The following PRLR variants were observed in gnomAD, a reference collection of about 807,000 sequenced individuals.
PRLR encodes hPRL receptor.
Under a neutral mutation model 40.2 loss-of-function variants are expected in PRLR, and 13 were observed. The observed-to-expected ratio is 0.32, with a 90% CI of 0.21 to 0.51. The LOEUF is 0.51. PRLR is among the 20% of genes least tolerant of loss of function. The pLI, the probability that PRLR is intolerant of heterozygous loss-of-function variation, is 0.97. For missense variants in PRLR, 656 were observed against 747.3 expected (o/e 0.88, Z 1.42); for synonymous variants, 269 against 278.7 (o/e 0.97, Z 0.35).
At chr5:35,066,761 CTT>C (rs70973025) in intron 9 of PRLR, among the ~76,000 whole-genome samples, 3,769 of 116,204 alleles carry the variant, frequency 0.032, 30 homozygotes, top group South Asian at 0.072. Flanking sequence ...ACTCTTGCCT[CTT>C]TTTTTTTTTT....
At chr5:35,087,994 T>G (rs1423808354) in intron 3 of PRLR, among the ~76,000 whole-genome samples, 1 of 152,210 alleles carries the variant, frequency 6.6e-6, no homozygotes, top group Non-Finnish European at 1.5e-5. Context: ...CTACCCCTCA[T>G]GCAGGCTCCA....
At chr5:35,091,804 A>G (rs1390218394) in intron 2 of PRLR, among the ~76,000 whole-genome samples, 1 of 152,210 alleles carries the variant, frequency 6.6e-6, no homozygotes, top group African/African-American at 2.4e-5. Flanking sequence ...TATAGCCCCA[A>G]ATAGTTCTTT....
intron 2 of PRLR, among the ~76,000 whole-genome samples, chr5:35,107,560 C>G (rs762121536): frequency 6.6e-6 from 1 of 152,116 alleles, no homozygotes; most frequent in African/African-American, 2.4e-5. Flanking sequence ...ACCAATCCCA[C>G]AGAAATACAA....
At chr5:35,196,694 G>T (rs1054378552) in intron 1 of PRLR, among the ~76,000 whole-genome samples, 3 of 152,236 alleles carry the variant, frequency 2.0e-5, no homozygotes, top group African/African-American at 7.2e-5. Flanking sequence ...CAGTGTGTTT[G>T]CAAACTGGGC....
At chr5:35,131,868 T>C (rs977262612) in intron 1 of PRLR, among the ~76,000 whole-genome samples, 4 of 152,166 alleles carry the variant, frequency 2.6e-5, no homozygotes, top group African/African-American at 9.7e-5. Flanking sequence ...TGCTATGATG[T>C]CTTGTTATTC....
chr5:35,121,687 C>G (rs777261135), intron 1 of PRLR, among the ~76,000 whole-genome samples: 2 of 152,152 alleles, frequency 1.3e-5, no homozygotes, highest in Non-Finnish European at 2.9e-5. Flanking sequence ...TAATGCTCCC[C>G]AAAATCTATG....
intron 1 of PRLR, among the ~76,000 whole-genome samples, chr5:35,212,444 T>C (rs764053804): frequency 3.3e-5 from 5 of 152,254 alleles, no homozygotes; most frequent in Non-Finnish European, 5.9e-5. Context: ...AATTAAGGTC[T>C]GGGGCTTCTG....
At chr5:35,067,732 G>C (rs2112381464) in intron 9 of PRLR, among the ~76,000 whole-genome samples, 1 of 152,276 alleles carries the variant, frequency 6.6e-6, no homozygotes, top group Middle Eastern at 3.4e-3. Context: ...CTGGCAAACA[G>C]ATGGCCCCAC....
In PRLR at chr5:35,089,556, A is replaced by G. The variant is rs773462153; in HGVS notation, c.65T>C (p.Leu22Pro). ...CGTGATAGCCTCTTACTTACCATTC[A>G]GAAGGCAGGTGTTGAGAAAAAGTAG... The part of the protein sequence containing the change: ...TLLLFLNTCL[L>P]NGQLPPGKPE... The change falls in exon 3 of 10, where the codon CTG becomes CCG. Residue 22 changes from leucine (L) to proline (P), a missense_variant. Physicochemically the swap from Leu to Pro is moderately conservative, Grantham distance 98. Around this residue, in one of 3 missense-constraint regions of PRLR, gnomAD observed 180 missense variants for 236.8 expected, o/e 0.76. Transcript: ENST00000618457. The G allele has an allele frequency of 1.2e-6, 2 of 1,609,560 alleles. No homozygotes were observed. The highest frequency in any genetic ancestry group is 3.3e-4 in the Middle Eastern group (2 of 6,052).
intron 1 of PRLR, among the ~76,000 whole-genome samples, chr5:35,201,669 C>G (rs1238742650): frequency 6.6e-6 from 1 of 152,024 alleles, no homozygotes; most frequent in Non-Finnish European, 1.5e-5. Context: ...TCGGTCAAAT[C>G]CTTTAATATT....
At chr5:35,071,897 G>A (rs1769767649) in intron 6 of PRLR, among the ~76,000 whole-genome samples, 1 of 141,850 alleles carries the variant, frequency 7.0e-6, no homozygotes, top group South Asian at 2.2e-4. Context: ...CCTGAGCCCA[G>A]CCTTTTTTTT....
intron 2 of PRLR, among the ~76,000 whole-genome samples, chr5:35,107,177 A>G (rs1772316631): frequency 6.6e-6 from 1 of 152,226 alleles, no homozygotes; most frequent in Non-Finnish European, 1.5e-5. Flanking sequence ...TTTGAAACCA[A>G]TGAGAACAAA....
intron 1 of PRLR, among the ~76,000 whole-genome samples, chr5:35,178,530 G>A (rs977939815): frequency 1.3e-5 from 2 of 152,112 alleles, no homozygotes; most frequent in Non-Finnish European, 2.9e-5. Flanking sequence ...TTGGGTTAAC[G>A]GTATTAGTTA....
chr5:35,222,225 C>G (rs956476903), intron 1 of PRLR, among the ~76,000 whole-genome samples: 17 of 152,192 alleles, frequency 1.1e-4, no homozygotes, highest in East Asian at 5.8e-4. Context: ...CTAGCTTGAA[C>G]CCGGGAGGCA....
chr5:35,079,843 C>T (rs372570740), intron 5 of PRLR, among the ~76,000 whole-genome samples: 2 of 152,068 alleles, frequency 1.3e-5, no homozygotes, highest in Non-Finnish European at 2.9e-5. Flanking sequence ...AACAGAGATA[C>T]AGACCAATGG....
intron 1 of PRLR, among the ~76,000 whole-genome samples, chr5:35,143,124 G>T (rs1196740491): frequency 6.6e-6 from 1 of 152,158 alleles, no homozygotes; most frequent in Non-Finnish European, 1.5e-5. Context: ...TGCAAATAAG[G>T]AATTTAGAGC....
At chr5:35,109,889 A>G (rs1334921840) in intron 2 of PRLR, among the ~76,000 whole-genome samples, 1 of 152,250 alleles carries the variant, frequency 6.6e-6, no homozygotes, top group African/African-American at 2.4e-5. Context: ...GGGATTATAA[A>G]TGATGCTGCT....
At chr5:35,185,929 C>T (rs967755689) in intron 1 of PRLR, among the ~76,000 whole-genome samples, 2 of 152,080 alleles carry the variant, frequency 1.3e-5, no homozygotes, top group Non-Finnish European at 2.9e-5. Flanking sequence ...TCTGATTCGT[C>T]GAATGTCGGG....
At chr5:35,123,857 CT>C (rs1401334311) in intron 1 of PRLR, among the ~76,000 whole-genome samples, 2 of 152,158 alleles carry the variant, frequency 1.3e-5, no homozygotes, top group African/African-American at 4.8e-5. Flanking sequence ...ATTTATGAGG[CT>C]TTAAACGTGG....
Sources: allele counts gnomAD v4.1 joint callset (sites outside exome capture counted in the v4.1 genomes callset), GRCh38; gene constraint gnomAD v4.1.1; regional missense constraint gnomAD v4.1.1; transcripts MANE v1.5; gene names NCBI Gene and HGNC (gene_info 2026-07-23, HGNC 2026-07-21).